Variants in RRAS2 observed in about 807,000 individuals in gnomAD.
RRAS2 encodes the protein RAS related 2.
A neutral mutation model predicts 27.6 loss-of-function variants in RRAS2; 7 were observed. That is an observed-to-expected ratio of 0.25 (90% CI 0.14 to 0.48). The LOEUF (loss-of-function observed/expected upper bound fraction) is 0.48, where lower values mean the gene tolerates loss of function less well. RRAS2 is among the 20% of genes least tolerant of loss of function. RRAS2 has a pLI of 0.99. For missense variants in RRAS2, 178 were observed against 256.2 expected (o/e 0.69, Z 2.08); for synonymous variants, 86 against 90.9 (o/e 0.95, Z 0.31).
intron 1 of RRAS2, among the ~76,000 whole-genome samples, chr11:14,298,199 T>G (rs77470048): frequency 1.3e-5 from 2 of 152,222 alleles, no homozygotes; most frequent in African/African-American, 4.8e-5. Context: ...TGTTTCCCCA[T>G]ATGCCATGCT....
At chr11:14,302,516 C>T (rs1847742293) in intron 1 of RRAS2, among the ~76,000 whole-genome samples, 2 of 152,132 alleles carry the variant, frequency 1.3e-5, no homozygotes, top group Admixed American at 1.3e-4. Context: ...ACTCCATTTC[C>T]TCAACAGAAA....
chr11:14,363,765 C>T (rs1034059326), upstream of RRAS2, among the ~76,000 whole-genome samples: 5 of 147,632 alleles, frequency 3.4e-5, no homozygotes, highest in Non-Finnish European at 6.0e-5. Flanking sequence ...AGCAGGACTC[C>T]GTCTCAAAAA....
intron 1 of RRAS2, among the ~76,000 whole-genome samples, chr11:14,353,367 C>T (rs1849005869): frequency 6.6e-6 from 1 of 152,072 alleles, no homozygotes; most frequent in African/African-American, 2.4e-5. Context: ...GGGTGGATCA[C>T]CTGAGGTCAG....
chr11:14,346,118 G>A (rs868930568), intron 1 of RRAS2, among the ~76,000 whole-genome samples: 2 of 152,010 alleles, frequency 1.3e-5, no homozygotes, highest in Non-Finnish European at 2.9e-5. Context: ...AATATGTTTT[G>A]GAGACAGTAA....
intron 1 of RRAS2, among the ~76,000 whole-genome samples, chr11:14,342,756 T>G (rs1848743051): frequency 6.6e-6 from 1 of 152,194 alleles, no homozygotes; most frequent in Non-Finnish European, 1.5e-5. Flanking sequence ...AGCTACTTAT[T>G]TGGGGGACAT....
chr11:14,303,225 G>A, intron 1 of RRAS2, among the ~76,000 whole-genome samples: 1 of 152,166 alleles, frequency 6.6e-6, no homozygotes, highest in Non-Finnish European at 1.5e-5. Flanking sequence ...CAAGCTTAAT[G>A]TATACTATAT....
chr11:14,354,143 G>A (rs117447028), intron 1 of RRAS2, among the ~76,000 whole-genome samples: 2,351 of 152,088 alleles, frequency 0.015, 61 homozygotes, highest in Middle Eastern at 0.065. Flanking sequence ...TCGGCTCTCT[G>A]CCCCAGGAAA....
chr11:14,314,664 C>T (rs1048914019), intron 1 of RRAS2, among the ~76,000 whole-genome samples: 2 of 152,142 alleles, frequency 1.3e-5, no homozygotes, highest in East Asian at 3.9e-4. Context: ...CAAACCAAAT[C>T]TTTGAATGCA....
chr11:14,345,369 G>A (rs1206360781), intron 1 of RRAS2, among the ~76,000 whole-genome samples: 4 of 152,102 alleles, frequency 2.6e-5, no homozygotes, highest in Admixed American at 6.5e-5. Flanking sequence ...CCTAGTCTAC[G>A]ATTCTGAAAA....
intron 1 of RRAS2, among the ~76,000 whole-genome samples, chr11:14,325,579 G>A (rs1343628782): frequency 6.6e-6 from 1 of 152,164 alleles, no homozygotes; most frequent in African/African-American, 2.4e-5. Context: ...GATTACAGGC[G>A]TGAGCCACCG....
Position 14,347,313 on chromosome 11 carries a change from T to C in RRAS2, c.108+11450A>G, listed in dbSNP as rs373054454. 1.6e-4 allele frequency among the ~76,000 whole-genome samples: 24 copies of C among 152,356 alleles called. No individual in the cohort carries two copies. In the East Asian group the frequency reaches 1.7e-3, roughly 11 times the overall value. On this transcript the variant is annotated intron_variant, in intron 1 of 5. Transcript: ENST00000256196. ...GATTAATGCCAATGGGTATTAACTA[T>C]TGTAATTGTAATAACAAAACAGAAT...
At chr11:14,341,822 GAAACA>G in intron 1 of RRAS2, 1 of 454,382 alleles carries the variant, frequency 2.2e-6, no homozygotes, top group Non-Finnish European at 4.4e-6. Context: ...CCCGACTTAG[GAAACA>G]AAACATTTGT....
At chr11:14,352,943 C>T (rs1470239749) in intron 1 of RRAS2, among the ~76,000 whole-genome samples, 7 of 151,918 alleles carry the variant, frequency 4.6e-5, no homozygotes, top group African/African-American at 1.4e-4. Context: ...GGATTGCAGG[C>T]GCCCGCCACC....
At chr11:14,324,619 AGT>A (rs1848307708) in intron 1 of RRAS2, among the ~76,000 whole-genome samples, 1 of 152,172 alleles carries the variant, frequency 6.6e-6, no homozygotes. Flanking sequence ...ATTGTTTATA[AGT>A]GTAAGAGTCA....
intron 4 of RRAS2, 103 bp downstream of exon 4, chr11:14,294,368 C>T (rs1847491143): frequency 1.1e-5 from 6 of 561,406 alleles, no homozygotes; most frequent in Non-Finnish European, 1.7e-5. Context: ...GCATGGAGCA[C>T]CGTATTTTTT....
chr11:14,290,190 C>T (rs1849773217), intron 4 of RRAS2, among the ~76,000 whole-genome samples: 1 of 152,220 alleles, frequency 6.6e-6, no homozygotes, highest in Non-Finnish European at 1.5e-5. Flanking sequence ...GAGGCTCACA[C>T]CTGTAATCCC....
intron 1 of RRAS2, among the ~76,000 whole-genome samples, chr11:14,337,761 G>T (rs952070651): frequency 6.6e-6 from 1 of 151,966 alleles, no homozygotes; most frequent in Non-Finnish European, 1.5e-5. Flanking sequence ...TGCAGGTAAG[G>T]GGGGACTACT....
At chr11:14,360,690 G>C (rs1433057888), upstream of RRAS2, among the ~76,000 whole-genome samples, 1 of 152,190 alleles carries the variant, frequency 6.6e-6, no homozygotes, top group Non-Finnish European at 1.5e-5. Context: ...GGAAGGCCAA[G>C]GCGGGCGGAT....
chr11:14,280,541 T>C (rs1564951206), intron 5 of RRAS2, among the ~76,000 whole-genome samples: 2 of 151,226 alleles, frequency 1.3e-5, no homozygotes, highest in South Asian at 4.2e-4. Flanking sequence ...GCCTGGCCAA[T>C]ATGGTGAAAC....
Sources: allele counts gnomAD v4.1 joint callset (sites outside exome capture counted in the v4.1 genomes callset), GRCh38; gene constraint gnomAD v4.1.1; transcripts MANE v1.5; gene names NCBI Gene and HGNC (gene_info 2026-07-23, HGNC 2026-07-21).